SIRT5: variants seen among roughly 807,000 people sequenced by gnomAD.
SIRT5 encodes sirtuin 5, also known as NAD-dependent protein deacylase sirtuin-5, mitochondrial.
In SIRT5, 26 loss-of-function variants were observed where a neutral mutation model predicts 40.0. The ratio of observed to expected loss-of-function variants is 0.65; its 90% CI spans 0.48 to 0.90. SIRT5 has a LOEUF of 0.90. Among genes scored for constraint, SIRT5 ranks in the 40% least tolerant of loss-of-function variants. The pLI is 0.00. For missense variants in SIRT5, 401 were observed against 402.4 expected (o/e 1.00, Z 0.03); for synonymous variants, 146 against 149.1 (o/e 0.98, Z 0.15).
At chr6:13,594,738 G>A (rs1331155140) in intron 5 of SIRT5, among the ~76,000 whole-genome samples, 1 of 152,246 alleles carries the variant, frequency 6.6e-6, no homozygotes, top group Non-Finnish European at 1.5e-5. Context: ...GGGCAGGACG[G>A]AGCAGCGCAT....
intron 5 of SIRT5, among the ~76,000 whole-genome samples, chr6:13,593,315 CT>C (rs1761171178): frequency 6.6e-6 from 1 of 152,136 alleles, no homozygotes; most frequent in African/African-American, 2.4e-5. Context: ...TTAGATCACC[CT>C]GATAAGGAAA....
At chr6:13,582,357 A>G (rs1434603665) in intron 2 of SIRT5, among the ~76,000 whole-genome samples, 1 of 152,190 alleles carries the variant, frequency 6.6e-6, no homozygotes, top group Non-Finnish European at 1.5e-5. Flanking sequence ...CAATTGTGGT[A>G]AAACACATGT....
intron 5 of SIRT5, among the ~76,000 whole-genome samples, chr6:13,594,511 G>A (rs938070297): frequency 6.6e-6 from 1 of 152,134 alleles, no homozygotes; most frequent in Non-Finnish European, 1.5e-5. Context: ...TGCCTCCGAC[G>A]GCTCCAGCTC....
intron 6 of SIRT5, among the ~76,000 whole-genome samples, chr6:13,596,733 C>T (rs112896989): frequency 2.6e-5 from 4 of 152,312 alleles, no homozygotes; most frequent in African/African-American, 9.6e-5. Flanking sequence ...GCAGTCCTCC[C>T]ACTTTGGCCT....
chr6:13,589,557 G>A (rs557136165), intron 4 of SIRT5: 1 of 152,346 alleles, frequency 6.6e-6, no homozygotes, highest in South Asian at 2.1e-4. Context: ...GTCTTCCATG[G>A]TTAGTAGCTC....
chr6:13,589,923 G>A (rs1167819106), intron 4 of SIRT5, among the ~76,000 whole-genome samples: 1 of 152,198 alleles, frequency 6.6e-6, no homozygotes, highest in Non-Finnish European at 1.5e-5. Flanking sequence ...AGGGACGCCT[G>A]TGGACATATT....
chr6:13,576,142 C>G (rs1430240481), intron 1 of SIRT5, among the ~76,000 whole-genome samples: 2 of 152,172 alleles, frequency 1.3e-5, no homozygotes, highest in Non-Finnish European at 2.9e-5. Flanking sequence ...CTTCAACATA[C>G]TGATTTCAAT....
chr6:13,582,611 CAAAA>C (rs756756300), intron 2 of SIRT5, among the ~76,000 whole-genome samples: 3 of 122,078 alleles, frequency 2.5e-5, no homozygotes, highest in Non-Finnish European at 5.1e-5. Flanking sequence ...TGCCTCCCAC[CAAAA>C]AAAAAAAAAA....
intron 2 of SIRT5, 100 bp downstream of exon 2, chr6:13,579,709 A>G (rs1217261546): frequency 6.6e-6 from 1 of 152,192 alleles, no homozygotes; most frequent in Non-Finnish European, 1.5e-5. Flanking sequence ...GATCTTCACA[A>G]TTTTCATGAC....
In SIRT5 at chr6:13,613,251, CAG is replaced by C. The variant is rs529069537; in HGVS notation, c.*1387_*1388del. 3.3e-5 allele frequency: 5 copies of C among 152,220 alleles called. No homozygotes were observed. The highest frequency in any genetic ancestry group is 1.9e-4 in the East Asian group (1 of 5,202). 9.4% of individuals were successfully genotyped at this position (152,220 alleles called of 1,614,324 possible). A position where few individuals can be genotyped will look rare whatever the true frequency, so the allele number is the denominator to read the frequency against. On this transcript the variant is annotated 3_prime_UTR_variant, in exon 10 of 10. Coordinates refer to ENST00000606117, the MANE Select transcript of SIRT5 (RefSeq NM_012241.5). The stretch of plus-strand genomic sequence containing the variant: ...TGCATCTGCCATACAGGGTCATTCT[CAG>C]GGGATGCTTAAGTTATTTCTGTCAG...
intron 9 of SIRT5, chr6:13,604,413 C>A: frequency 2.0e-6 from 2 of 1,022,790 alleles, no homozygotes; most frequent in Non-Finnish European, 3.1e-6. Flanking sequence ...ACAGGATAAA[C>A]TTTGTGAAGC....
rs1562280266 is a variant in SIRT5, at chr6:13,605,035, T to C, written c.857+4086T>C. On this transcript the variant is annotated intron_variant, in intron 9 of 9. Transcript: ENST00000606117. ...TTAGAAGAGATGCTGGTGATAGTCA[T>C]CTCATCCTACTCAATTTTTCAAAGG... is the stretch of plus-strand genomic sequence containing the variant. 6 of 986,782 alleles carry C rather than the reference T, an allele frequency of 6.1e-6. No individual in the cohort carries two copies. In the South Asian group the frequency reaches 2.3e-4, roughly 39 times the overall value. 61.1% of individuals were successfully genotyped at this position (986,782 alleles called of 1,614,324 possible).
intron 9 of SIRT5, among the ~76,000 whole-genome samples, chr6:13,601,517 C>A (rs959595330): frequency 6.6e-6 from 1 of 151,958 alleles, no homozygotes; most frequent in Non-Finnish European, 1.5e-5. Context: ...TTTTTCTCAC[C>A]CCAACTTTTT....
At position 13,592,656 on chromosome 6, in the gene SIRT5, T is replaced by C. The variant is rs1322721230; in HGVS notation, c.475+762T>C. 2.6e-5 allele frequency among the ~76,000 whole-genome samples: 4 copies of C among 152,322 alleles called. No homozygotes were observed. In the East Asian group the frequency reaches 7.7e-4, roughly 29 times the overall value. ...CACTGCACCAAACCCACCAAGCCTA[T>C]GATGTCGGTGGAGTTTGTCTTGGGT... On this transcript the variant is annotated intron_variant, in intron 5 of 9. Coordinates refer to ENST00000606117, the MANE Select transcript of SIRT5 (RefSeq NM_012241.5).
intron 9 of SIRT5, among the ~76,000 whole-genome samples, chr6:13,609,151 G>A: frequency 6.6e-6 from 1 of 152,174 alleles, no homozygotes; most frequent in Admixed American, 6.5e-5. Context: ...GATGAATGGG[G>A]CATAAACTTT....
At chr6:13,575,322 AGGCC>A (rs1263719451) in intron 1 of SIRT5, among the ~76,000 whole-genome samples, 1 of 152,122 alleles carries the variant, frequency 6.6e-6, no homozygotes, top group African/African-American at 2.4e-5. Context: ...ACTGGGTCAG[AGGCC>A]GGGTATCAAC....
intron 8 of SIRT5, 81 bp downstream of exon 8, chr6:13,599,236 C>T (rs974869763): frequency 2.8e-5 from 41 of 1,456,360 alleles, no homozygotes; most frequent in Middle Eastern, 1.8e-4. Context: ...TTTCCTTCCT[C>T]CCTCCCTTGC....
At chr6:13,577,489 T>C (rs1758777186) in intron 1 of SIRT5, among the ~76,000 whole-genome samples, 1 of 151,850 alleles carries the variant, frequency 6.6e-6, no homozygotes, top group Admixed American at 6.6e-5. Flanking sequence ...TATATGTGAT[T>C]TTGTATCCTG....
chr6:13,610,354 G>T (rs1253009512), intron 9 of SIRT5, among the ~76,000 whole-genome samples: 4 of 152,068 alleles, frequency 2.6e-5, no homozygotes, highest in Non-Finnish European at 5.9e-5. Context: ...GAGTAATTTT[G>T]TATCATACTT....
Sources: gnomAD v4.1 joint callset for allele counts (sites outside exome capture counted in the v4.1 genomes callset) on GRCh38, gnomAD v4.1.1 for gene constraint, MANE v1.5 for transcripts, NCBI Gene and HGNC (gene_info 2026-07-23, HGNC 2026-07-21) for gene names.